IL1RAPL2: variants seen among roughly 807,000 people sequenced by gnomAD.
The protein encoded by IL1RAPL2 is X-linked interleukin-1 receptor accessory protein-like 2.
IL1RAPL2 carries 3 observed loss-of-function variants against 44.1 expected under a neutral mutation model. The observed-to-expected ratio is 0.07, with a 90% CI of 0.03 to 0.18. IL1RAPL2 has a LOEUF of 0.18. IL1RAPL2 is among the 10% of genes least tolerant of loss of function. The pLI, the probability that IL1RAPL2 is intolerant of heterozygous loss-of-function variation, is 1.00. For missense variants in IL1RAPL2, 391 were observed against 496.4 expected (o/e 0.79, Z 2.02); for synonymous variants, 181 against 178.8 (o/e 1.01, Z -0.10).
At chrX:105,449,068 T>C (rs2035998186) in intron 5 of IL1RAPL2, among the ~76,000 whole-genome samples, 1 of 111,423 alleles carries the variant, frequency 9.0e-6, no homozygotes, top group African/African-American at 3.3e-5. Context: ...TTTAGTTTAT[T>C]TGGTGAGGTC....
chrX:104,922,531 AC>A (rs1489217123), intron 2 of IL1RAPL2, among the ~76,000 whole-genome samples: 1 of 112,302 alleles, frequency 8.9e-6, no homozygotes, highest in African/African-American at 3.2e-5. Flanking sequence ...TTAGAAAACC[AC>A]TACAGTAAGG....
intron 5 of IL1RAPL2, among the ~76,000 whole-genome samples, chrX:105,294,076 A>G (rs1221874414): frequency 1.8e-5 from 2 of 112,411 alleles, no homozygotes; most frequent in African/African-American, 3.2e-5. Flanking sequence ...TTATTTCTGT[A>G]TCTGTCACCA....
At chrX:105,549,723 A>G (rs2036836675) in intron 6 of IL1RAPL2, among the ~76,000 whole-genome samples, 1 of 111,237 alleles carries the variant, frequency 9.0e-6, no homozygotes, top group Non-Finnish European at 1.9e-5. Context: ...CATAGGTATA[A>G]ACATCCTAAA....
intron 2 of IL1RAPL2, among the ~76,000 whole-genome samples, chrX:104,680,964 A>G (rs1396684747): frequency 8.9e-6 from 1 of 112,443 alleles, no homozygotes; most frequent in Non-Finnish European, 1.9e-5. Flanking sequence ...AAGAAAATTA[A>G]CCATTTTTAT....
chrX:105,264,693 A>C (rs748514628), intron 4 of IL1RAPL2, among the ~76,000 whole-genome samples: 1 of 112,179 alleles, frequency 8.9e-6, no homozygotes, highest in Non-Finnish European at 1.9e-5. Flanking sequence ...TAAACCTGCA[A>C]GCCTCTGGAT....
At position 105,207,140 on chromosome X, in the gene IL1RAPL2, C is replaced by T. The variant is rs995936254; in HGVS notation, c.356+11392C>T. Among the ~76,000 whole-genome samples, 8 of 110,810 alleles carry T rather than the reference C, an allele frequency of 7.2e-5. No individual in the cohort carries two copies. The East Asian group carries it at 1.1e-3, about 16-fold the overall frequency. On this transcript the variant is annotated intron_variant, in intron 3 of 10. Coordinates refer to ENST00000372582, the MANE Select transcript of IL1RAPL2 (RefSeq NM_017416.2). ...TGTTTTTGTTTGTTTTTAATAAAAG[C>T]GATGTTTTTCAGCCAATATCCTTTT...
intron 5 of IL1RAPL2, among the ~76,000 whole-genome samples, chrX:105,273,179 G>T (rs1260641521): frequency 9.0e-6 from 1 of 111,630 alleles, no homozygotes; most frequent in Non-Finnish European, 1.9e-5. Flanking sequence ...CATACATTGC[G>T]TTTAGAGATT....
intron 5 of IL1RAPL2, among the ~76,000 whole-genome samples, chrX:105,341,168 C>A (rs964797663): frequency 9.0e-6 from 1 of 111,323 alleles, no homozygotes; most frequent in Non-Finnish European, 1.9e-5. Flanking sequence ...ACAACCTAAT[C>A]CTTGACAGAA....
chrX:104,652,542 C>T (rs1930171658), intron 1 of IL1RAPL2, among the ~76,000 whole-genome samples: 1 of 111,712 alleles, frequency 9.0e-6, no homozygotes, highest in African/African-American at 3.2e-5. Context: ...CAAGTGGCTG[C>T]CCTCATGAAG....
rs952841335 is a variant in IL1RAPL2, at chrX:105,039,441, C to T, written c.83-156034C>T. ...AACACTAGTTTTCTATCTTGTGTTA[C>T]ATTAATTGGGATGACAGTTCCTATG... On this transcript the variant is annotated intron_variant, in intron 2 of 10. Transcript: ENST00000372582. Among the ~76,000 whole-genome samples, 3 of 111,854 alleles carry T rather than the reference C, an allele frequency of 2.7e-5. No individual in the cohort carries two copies. The South Asian group carries it at 1.1e-3, about 42-fold the overall frequency.
At chrX:104,855,681 G>GTGGTTTTTTTTTTT in intron 2 of IL1RAPL2, among the ~76,000 whole-genome samples, 1 of 53,880 alleles carries the variant, frequency 1.9e-5, no homozygotes, top group Non-Finnish European at 4.1e-5. Context: ...ATCTGGATCC[G>GTGGTTTTTTTTTTT]TTTTTTTTTT....
intron 5 of IL1RAPL2, among the ~76,000 whole-genome samples, chrX:105,421,607 G>A (rs983974417): frequency 9.0e-6 from 1 of 111,333 alleles, no homozygotes; most frequent in Non-Finnish European, 1.9e-5. Context: ...TCATGTTTAT[G>A]AAGAGAAAAT....
rs751287255 is a variant in IL1RAPL2, at chrX:104,649,175, C to G, written c.-19-9720C>G. Among the ~76,000 whole-genome samples the G allele has an allele frequency of 2.7e-5, 3 of 111,005 alleles. No individual in the cohort carries two copies. In the South Asian group the frequency reaches 1.2e-3, roughly 43 times the overall value. Reference sequence around the variant, plus strand: ...CTATCTCTGTTTTCTTACTTGTGTGCCTTTGGCTATGTTGGTTTCAGTCTC... The same window carrying G: ...CTATCTCTGTTTTCTTACTTGTGTGGCTTTGGCTATGTTGGTTTCAGTCTC... On this transcript the variant is annotated intron_variant, in intron 1 of 10. Coordinates refer to ENST00000372582, the MANE Select transcript of IL1RAPL2 (RefSeq NM_017416.2).
At chrX:105,756,818 C>T (rs1470609336) in intron 10 of IL1RAPL2, among the ~76,000 whole-genome samples, 3 of 111,488 alleles carry the variant, frequency 2.7e-5, no homozygotes, top group Non-Finnish European at 3.8e-5. Context: ...CATCCTGGTA[C>T]CTCAGAGTCA....
At chrX:105,034,962 G>C (rs1448825249) in intron 2 of IL1RAPL2, among the ~76,000 whole-genome samples, 1 of 105,230 alleles carries the variant, frequency 9.5e-6, no homozygotes, top group African/African-American at 3.8e-5. Flanking sequence ...CCCCCAGCCT[G>C]GCTGCCACCT....
rs1349182469 is a variant in IL1RAPL2, at chrX:104,766,548, G to T, written c.82+107553G>T. Among the ~76,000 whole-genome samples, 5 of 110,849 alleles carry T rather than the reference G, an allele frequency of 4.5e-5. 1 individual carries two copies. Among genetic ancestry groups the T allele is most frequent in the African/African-American group, 1.6e-4 (5 of 30,563 alleles). ...TCCCATAGTATGACACCATCATCATGATTAACATCATTGGATACTTATTAT... is the reference window on the plus strand; with the variant it reads ...TCCCATAGTATGACACCATCATCATTATTAACATCATTGGATACTTATTAT... On this transcript the variant is annotated intron_variant, in intron 2 of 10. Transcript: ENST00000372582.
chrX:104,747,716 T>C (rs762700004), intron 2 of IL1RAPL2, among the ~76,000 whole-genome samples: 2 of 111,436 alleles, frequency 1.8e-5, no homozygotes, highest in Non-Finnish European at 3.8e-5. Flanking sequence ...GAATGGCATA[T>C]GGAAAGGCCC....
intron 2 of IL1RAPL2, among the ~76,000 whole-genome samples, chrX:104,823,247 C>A (rs752285448): frequency 2.7e-5 from 3 of 111,264 alleles, no homozygotes; most frequent in East Asian, 5.7e-4. Context: ...GCTATCCCTT[C>A]CCCCTCAACC....
chrX:105,134,127 A>C (rs941128358), intron 2 of IL1RAPL2, among the ~76,000 whole-genome samples: 2 of 112,099 alleles, frequency 1.8e-5, no homozygotes, highest in African/African-American at 6.5e-5. Flanking sequence ...CTGATGCCAC[A>C]GACTGCTTTT....
Sources: gnomAD v4.1 joint callset for allele counts (sites outside exome capture counted in the v4.1 genomes callset) on GRCh38, gnomAD v4.1.1 for gene constraint, MANE v1.5 for transcripts, NCBI Gene and HGNC (gene_info 2026-07-23, HGNC 2026-07-21) for gene names.